Variants in KCNH8 observed in about 807,000 individuals in gnomAD.
The protein encoded by KCNH8 is voltage-gated delayed rectifier potassium channel KCNH8.
A neutral mutation model predicts 103.6 loss-of-function variants in KCNH8; 70 were observed. The observed-to-expected ratio is 0.68, with a 90% confidence interval of 0.56 to 0.82. The LOEUF is 0.82. Among genes scored for constraint, KCNH8 ranks in the 40% least tolerant of loss-of-function variants. The probability of loss-of-function intolerance (pLI) is 0.00; values close to 1 mark genes in which losing one functional copy is unlikely to be tolerated. For missense variants in KCNH8, 1,217 were observed against 1,329.9 expected (o/e 0.92, Z 1.32); for synonymous variants, 498 against 489.4 (o/e 1.02, Z -0.23).
intron 7 of KCNH8, among the ~76,000 whole-genome samples, chr3:19,403,538 G>A (rs1392543600): frequency 2.0e-5 from 3 of 150,868 alleles, no homozygotes; most frequent in Admixed American, 6.6e-5. Flanking sequence ...TATGGGTACT[G>A]ACTACCCATA....
intron 1 of KCNH8, among the ~76,000 whole-genome samples, chr3:19,210,315 C>T (rs2125224530): frequency 6.6e-6 from 1 of 152,024 alleles, no homozygotes; most frequent in South Asian, 2.1e-4. Flanking sequence ...ATGTGATTCT[C>T]TCCAAAGTGA....
chr3:19,393,303 T>A (rs868778431), intron 6 of KCNH8, among the ~76,000 whole-genome samples: 29 of 152,024 alleles, frequency 1.9e-4, no homozygotes, highest in African/African-American at 7.0e-4. Flanking sequence ...CTGACTCCGA[T>A]GGGAGCAAAC....
At chr3:19,310,831 T>C (rs901651540) in intron 3 of KCNH8, among the ~76,000 whole-genome samples, 4 of 151,780 alleles carry the variant, frequency 2.6e-5, no homozygotes, top group African/African-American at 9.7e-5. Context: ...ATGATAAACA[T>C]AAGGTGAAAA....
chr3:19,221,884 G>T (rs891158279), intron 1 of KCNH8, among the ~76,000 whole-genome samples: 6 of 144,594 alleles, frequency 4.1e-5, no homozygotes, highest in East Asian at 2.0e-4. Flanking sequence ...GTCTCATTCT[G>T]TTGCCTAGGC....
chr3:19,374,505 C>T (rs545636658), intron 5 of KCNH8, among the ~76,000 whole-genome samples: 124 of 152,264 alleles, frequency 8.1e-4, no homozygotes, highest in Admixed American at 2.0e-3. Flanking sequence ...AGTCTCTGCA[C>T]GTGAGATGGG....
intron 3 of KCNH8, among the ~76,000 whole-genome samples, chr3:19,309,303 G>T (rs1288869808): frequency 6.6e-6 from 1 of 151,932 alleles, no homozygotes; most frequent in Non-Finnish European, 1.5e-5. Context: ...TCCATTTTAT[G>T]CAAGTTACCA....
chr3:19,244,816 T>G (rs2064184057), intron 1 of KCNH8, among the ~76,000 whole-genome samples: 1 of 152,060 alleles, frequency 6.6e-6, no homozygotes, highest in South Asian at 2.1e-4. Flanking sequence ...GTAATAGGGT[T>G]TTTTTTTGTT....
chr3:19,449,035 C>G, intron 8 of KCNH8: 1 of 1,107,598 alleles, frequency 9.0e-7, no homozygotes, highest in Non-Finnish European at 1.2e-6. Flanking sequence ...CCTGTCATAC[C>G]TTCTCTGACT....
At chr3:19,204,678 T>C (rs1320322750) in intron 1 of KCNH8, among the ~76,000 whole-genome samples, 1 of 152,122 alleles carries the variant, frequency 6.6e-6, no homozygotes, top group Admixed American at 6.6e-5. Flanking sequence ...AGATGTTTTC[T>C]TTAGCCTGAA....
chr3:19,189,243 T>A (rs1049299767), intron 1 of KCNH8, among the ~76,000 whole-genome samples: 1 of 152,080 alleles, frequency 6.6e-6, no homozygotes, highest in Non-Finnish European at 1.5e-5. Context: ...GAATATTCAA[T>A]ACTGAGTTAA....
At position 19,228,338 on chromosome 3, in the gene KCNH8, CG is replaced by C. The variant is rs541858109; in HGVS notation, c.77-25314del. ...AAAATATTTAGTTGCTGGCCTTTTA[CG>C]GAAGAATTTGCTAATCCCTACTCTA... is the stretch of plus-strand genomic sequence containing the variant. On this transcript the variant is annotated intron_variant, in intron 1 of 15. Transcript: ENST00000328405. Among the ~76,000 whole-genome samples, 921 of 152,238 alleles carry C rather than the reference CG, an allele frequency of 6.0e-3. 4 individuals are homozygous for C. The highest frequency in any genetic ancestry group is 0.01 in the Middle Eastern group (3 of 294).
chr3:19,254,280 A>G (rs2064318501), intron 2 of KCNH8, among the ~76,000 whole-genome samples: 1 of 152,060 alleles, frequency 6.6e-6, no homozygotes, highest in Non-Finnish European at 1.5e-5. Context: ...CTACATCTCA[A>G]TTCCAGTCAT....
At chr3:19,501,576 C>G (rs1017121602) in intron 11 of KCNH8, among the ~76,000 whole-genome samples, 18 of 152,164 alleles carry the variant, frequency 1.2e-4, no homozygotes, top group South Asian at 4.1e-4. Context: ...ACGTTATCCA[C>G]CATGATCAAG....
At chr3:19,198,654 C>T (rs1480877386) in intron 1 of KCNH8, among the ~76,000 whole-genome samples, 1 of 151,908 alleles carries the variant, frequency 6.6e-6, no homozygotes, top group African/African-American at 2.4e-5. Context: ...ATGATAGTGA[C>T]CCTTCCTTAC....
At chr3:19,533,351 A>G (rs1451851437) in intron 15 of KCNH8, 44 bp from the exon 16 acceptor site, 5 of 1,237,326 alleles carry the variant, frequency 4.0e-6, no homozygotes, top group East Asian at 2.3e-5. Context: ...GGTCACTACT[A>G]TGCACCTCTA....
At chr3:19,148,942 T>C (rs1473141740) in intron 1 of KCNH8, 147 bp downstream of exon 1, 1 of 742,044 alleles carries the variant, frequency 1.3e-6, no homozygotes, top group African/African-American at 1.7e-5. Flanking sequence ...CGGAGAAATT[T>C]GTTCCCTCAT....
At chr3:19,423,158 G>C (rs578232539) in intron 7 of KCNH8, among the ~76,000 whole-genome samples, 1 of 152,106 alleles carries the variant, frequency 6.6e-6, no homozygotes, top group Non-Finnish European at 1.5e-5. Context: ...TTGTACATTT[G>C]TTGGGTCAGA....
intron 13 of KCNH8, among the ~76,000 whole-genome samples, 168 bp downstream of exon 13, chr3:19,513,493 T>C (rs1260039880): frequency 6.6e-6 from 1 of 152,188 alleles, no homozygotes; most frequent in Non-Finnish European, 1.5e-5. Context: ...TGCAAGTGTG[T>C]GTGTGCATGC....
intron 2 of KCNH8, among the ~76,000 whole-genome samples, chr3:19,259,471 G>A (rs1383331196): frequency 1.3e-5 from 2 of 151,408 alleles, no homozygotes; most frequent in Non-Finnish European, 3.0e-5. Context: ...AAATAAATAT[G>A]GATTATCTCC....
Sources: gnomAD v4.1 joint callset for allele counts (sites outside exome capture counted in the v4.1 genomes callset) on GRCh38, gnomAD v4.1.1 for gene constraint, MANE v1.5 for transcripts, NCBI Gene and HGNC (gene_info 2026-07-23, HGNC 2026-07-21) for gene names.